LMAN1: variants seen among roughly 807,000 people sequenced by gnomAD.
The protein encoded by LMAN1 is lectin, mannose binding 1.
LMAN1 carries 32 observed loss-of-function variants against 67.8 expected under a neutral mutation model. That is an observed-to-expected ratio of 0.47 (90% CI 0.36 to 0.63). LMAN1 has a LOEUF of 0.63. Among genes scored for constraint, LMAN1 ranks in the 30% least tolerant of loss-of-function variants. The probability of loss-of-function intolerance (pLI) is 0.00; values close to 1 mark genes in which losing one functional copy is unlikely to be tolerated. For missense variants in LMAN1, 632 were observed against 628.2 expected, an observed-to-expected ratio of 1.01 and a Z score of -0.06; for synonymous variants, 235 against 219.3, an observed-to-expected ratio of 1.07 and a Z score of -0.63.
At chr18:59,355,839 T>TA (rs1251594935) in intron 1 of LMAN1, among the ~76,000 whole-genome samples, 181 bp from the exon 2 acceptor site, 5 of 151,934 alleles carry the variant, frequency 3.3e-5, no homozygotes, top group South Asian at 2.1e-4. Flanking sequence ...CCTTATCAAA[T>TA]AAAAAAAATT....
At chr18:59,332,286 T>A (rs1027940547) in intron 11 of LMAN1, among the ~76,000 whole-genome samples, 4 of 151,598 alleles carry the variant, frequency 2.6e-5, no homozygotes, top group Admixed American at 1.3e-4. Context: ...AGGGGACAGA[T>A]AATAATGCTT....
In LMAN1 at chr18:59,359,211, T is replaced by G; in HGVS notation, c.34A>C (p.Arg12=). 1 of 1,613,936 alleles carries G rather than the reference T, an allele frequency of 6.2e-7. No individual in the cohort carries two copies. Among genetic ancestry groups the G allele is most frequent in the Non-Finnish European group, 8.5e-7 (1 of 1,179,882 alleles). The change falls in exon 1 of 13, where the codon AGA becomes CGA. Residue 12 remains arginine (R), a synonymous_variant. Transcript: ENST00000251047. Reference sequence around the variant, plus strand: ...AAGGCGCAGAACAGCGGCCGAACTCTGGCCCGGAGACCCCTTTGCCTGGAT... The same window carrying G: ...AAGGCGCAGAACAGCGGCCGAACTCGGGCCCGGAGACCCCTTTGCCTGGAT... ...AGSRQRGLRA[R]VRPLFCALLL...
chr18:59,334,271 A>T (rs1369392684), intron 10 of LMAN1, among the ~76,000 whole-genome samples: 1 of 152,206 alleles, frequency 6.6e-6, no homozygotes, highest in Non-Finnish European at 1.5e-5. Context: ...TCAGTCATTC[A>T]TTCATTTGCC....
rs7238054 is a variant in LMAN1 at position 59,333,042 on chromosome 18, T to C, written c.1374+49A>G. 0.081 allele frequency: 121,297 copies of C among 1,490,714 alleles called. 5,352 individuals carry two copies. The highest frequency in any genetic ancestry group is 0.14 in the Middle Eastern group (759 of 5,478). 92.3% of individuals were successfully genotyped at this position (1,490,714 alleles called of 1,614,324 possible). ...AATACTTGCAGTAGAGTATGAGTTCTTCCTTTCCTAAAGATTATAATTATA... is the reference window on the plus strand; with the variant it reads ...AATACTTGCAGTAGAGTATGAGTTCCTCCTTTCCTAAAGATTATAATTATA... On this transcript the variant is annotated intron_variant, in intron 11 of 12. Transcript: ENST00000251047.
chr18:59,331,346 ATAACT>A (rs2070746212), intron 12 of LMAN1, 67 bp downstream of exon 12: 2 of 1,428,484 alleles, frequency 1.4e-6, no homozygotes, highest in African/African-American at 2.8e-5. Flanking sequence ...ATGAACATAG[ATAACT>A]TAGTTGAATA....
chr18:59,348,430 C>T (rs771070986), intron 6 of LMAN1, among the ~76,000 whole-genome samples: 15 of 152,192 alleles, frequency 9.9e-5, no homozygotes, highest in Admixed American at 1.3e-4. Flanking sequence ...ATTGGCCATA[C>T]GATCTTCAGA....
chr18:59,341,268 T>C (rs1455692605), intron 8 of LMAN1, among the ~76,000 whole-genome samples: 3 of 152,046 alleles, frequency 2.0e-5, no homozygotes, highest in Non-Finnish European at 4.4e-5. Context: ...AGTGGGAGAA[T>C]TTAACACCAC....
rs1262197985 is a variant in LMAN1 at position 59,329,821 on chromosome 18, A to G, written c.*1272T>C. The G allele has an allele frequency of 6.6e-6, 1 of 152,206 alleles. No homozygotes were observed. The highest frequency in any genetic ancestry group is 1.5e-5 in the Non-Finnish European group (1 of 68,012). The allele number at this position is 152,206 out of a possible 1,614,324, so 9.4% of individuals were successfully genotyped here. Reference sequence around the variant, plus strand: ...AGTATTGTTTGGAATTCTATGGCAAATGAAAGACAACCATTTTAGCTAAAA... The same window carrying G: ...AGTATTGTTTGGAATTCTATGGCAAGTGAAAGACAACCATTTTAGCTAAAA... On this transcript the variant is annotated 3_prime_UTR_variant, in exon 13 of 13. Coordinates refer to ENST00000251047, the MANE Select transcript of LMAN1 (RefSeq NM_005570.4).
chr18:59,346,408 A>G (rs1908409479), intron 7 of LMAN1, among the ~76,000 whole-genome samples: 1 of 151,106 alleles, frequency 6.6e-6, no homozygotes, highest in African/African-American at 2.4e-5. Context: ...ATTTTTTAGT[A>G]GAGATGGAGT....
At position 59,331,594 on chromosome 18, in the gene LMAN1, G is replaced by C; in HGVS notation, c.1375-55C>G. 3 of 1,571,462 alleles carry C rather than the reference G, an allele frequency of 1.9e-6. 1 individual carries two copies. In the South Asian group the frequency reaches 3.3e-5, roughly 17 times the overall value. On this transcript the variant is annotated intron_variant, in intron 11 of 12. Transcript: ENST00000251047. ...TAGTCAAAATAGCAGTTTGGAAAAA[G>C]AAATAAATGTGAAATCTTTATAAAA...
chr18:59,341,659 T>C (rs1908290769), intron 8 of LMAN1, among the ~76,000 whole-genome samples: 1 of 151,826 alleles, frequency 6.6e-6, no homozygotes, highest in Admixed American at 6.6e-5. Flanking sequence ...TGAATGAAAA[T>C]GGAAACACCA....
chr18:59,346,710 G>C (rs1265214043), intron 7 of LMAN1, among the ~76,000 whole-genome samples: 2 of 150,886 alleles, frequency 1.3e-5, no homozygotes, highest in Non-Finnish European at 3.0e-5. Context: ...TGTAGAGATG[G>C]GGTTTTGCCA....
intron 1 of LMAN1, among the ~76,000 whole-genome samples, chr18:59,358,306 T>TA (rs1163817359): frequency 5.3e-5 from 8 of 152,248 alleles, no homozygotes; most frequent in Non-Finnish European, 1.2e-4. Flanking sequence ...ATGCTATTCT[T>TA]AGTCTCAGGT....
chr18:59,353,391 A>G, intron 4 of LMAN1, 90 bp from the exon 5 acceptor site: 2 of 961,590 alleles, frequency 2.1e-6, no homozygotes, highest in Non-Finnish European at 3.4e-6. Context: ...CAAGTTATGA[A>G]AAAGTCTTGA....
At chr18:59,336,883 C>G (rs940797826) in intron 10 of LMAN1, among the ~76,000 whole-genome samples, 5 of 150,606 alleles carry the variant, frequency 3.3e-5, no homozygotes, top group Non-Finnish European at 7.4e-5. Flanking sequence ...GACCCTGTCT[C>G]AAAAAAATAA....
chr18:59,353,220 A>G lies in LMAN1; in HGVS notation c.621T>C (p.Tyr207=), dbSNP rs1340989274. 3 of 1,613,584 alleles carry G rather than the reference A, an allele frequency of 1.9e-6. No individual in the cohort carries two copies. The highest frequency in any genetic ancestry group is 1.3e-5 in the African/African-American group (1 of 74,900). Residue 207 remains tyrosine (Y), a synonymous_variant, in exon 5 of 13, where the codon TAT becomes TAC. Coordinates refer to ENST00000251047, the MANE Select transcript of LMAN1 (RefSeq NM_005570.4). ...TACTTACTGTCAGTGTGTTCTGGTA[A>G]TAGGTAATCTTTGCTCGGACAGGAT... is the stretch of plus-strand genomic sequence containing the variant. ...KPYPVRAKIT[Y]YQNTLTVMIN... is the part of the protein sequence containing the mutation.
At chr18:59,351,879 T>C (rs1453759847) in intron 5 of LMAN1, among the ~76,000 whole-genome samples, 1 of 152,196 alleles carries the variant, frequency 6.6e-6, no homozygotes, top group African/African-American at 2.4e-5. Context: ...CCCAAGCTAA[T>C]TATAATACAT....
chr18:59,355,197 T>C (rs41327645), intron 3 of LMAN1, 116 bp downstream of exon 3: 6 of 779,298 alleles, frequency 7.7e-6, no homozygotes, highest in African/African-American at 6.9e-5. Context: ...ACCATATAGC[T>C]TGGGGAGTTC....
intron 5 of LMAN1, among the ~76,000 whole-genome samples, chr18:59,349,841 T>C (rs150268629): frequency 2.7e-3 from 412 of 152,340 alleles, no homozygotes; most frequent in African/African-American, 9.5e-3. Flanking sequence ...AATCTTAGAA[T>C]CCTAGGCAAG....
Sources: allele counts gnomAD v4.1 joint callset (sites outside exome capture counted in the v4.1 genomes callset), GRCh38; gene constraint gnomAD v4.1.1; transcripts MANE v1.5; gene names NCBI Gene and HGNC (gene_info 2026-07-23, HGNC 2026-07-21).